COL18A1: variants seen among roughly 807,000 people sequenced by gnomAD.
COL18A1 encodes collagen alpha-1(XVIII) chain.
A neutral mutation model predicts 168.0 loss-of-function variants in COL18A1; 133 were observed. That is an observed-to-expected ratio of 0.79 (90% CI 0.69 to 0.91). COL18A1 has a LOEUF of 0.91. Ranked by LOEUF, COL18A1 falls within the 40% of genes least tolerant of loss-of-function variation. The pLI, the probability that COL18A1 is intolerant of heterozygous loss-of-function variation, is 0.00. For synonymous variants in COL18A1, 949 were observed against 809.0 expected, an observed-to-expected ratio of 1.17 and a Z score of -2.94; for missense variants, 2,126 against 1,925.4, an observed-to-expected ratio of 1.10 and a Z score of -1.95.
chr21:45,512,520 T>C lies in COL18A1; in HGVS notation c.*122T>C, dbSNP rs1289681799. Reference sequence around the variant, plus strand: ...CTGGCTGCCATACTTTCCTGTATAGTTCACGTTTCATGTAATCCTCAAGAA... The same window carrying C: ...CTGGCTGCCATACTTTCCTGTATAGCTCACGTTTCATGTAATCCTCAAGAA... On this transcript the variant is annotated 3_prime_UTR_variant, in exon 42 of 42. Coordinates refer to ENST00000651438, the MANE Select transcript of COL18A1 (RefSeq NM_001379500.1). The C allele has an allele frequency of 5.9e-6, 5 of 853,688 alleles. No individual in the cohort carries two copies. The East Asian group carries it at 1.1e-4, about 18-fold the overall frequency. The allele number at this position is 853,688 out of a possible 1,614,324, so 52.9% of individuals were successfully genotyped here.
rs1158994869 is a variant in COL18A1, at chr21:45,480,714, C to T, written c.1467C>T (p.Phe489=). The part of the protein sequence containing the change: ...DLEALRGPRG[F]PGPPGPPGVP... ...CCCACGTCCAGGGTCCTCGAGGCTT[C>T]CCTGGACCTCCCGGACCCCCCGGTG... The change falls in exon 13 of 42, where the codon TTC becomes TTT. Residue 489 remains phenylalanine, a synonymous_variant. Transcript: ENST00000651438. The T allele has an allele frequency of 2.5e-6, 4 of 1,610,732 alleles. No homozygotes were observed. The African/African-American group carries it at 4.0e-5, about 16-fold the overall frequency.
intron 2 of COL18A1, among the ~76,000 whole-genome samples, chr21:45,430,253 G>A (rs2033920479): frequency 1.3e-5 from 2 of 152,060 alleles, no homozygotes; most frequent in Non-Finnish European, 1.5e-5. Context: ...CATGGTTTGG[G>A]GGCCGCCATC....
intron 2 of COL18A1, among the ~76,000 whole-genome samples, chr21:45,451,482 G>A (rs1025004404): frequency 1.4e-4 from 22 of 152,162 alleles, no homozygotes; most frequent in African/African-American, 4.3e-4. Flanking sequence ...GTGGGGTGCC[G>A]CCTTTCCGGG....
rs1478359381 is a variant in COL18A1, at chr21:45,423,023, A to T, written c.106+17550A>T. Among the ~76,000 whole-genome samples the T allele has an allele frequency of 6.6e-6, 1 of 152,146 alleles. No homozygotes were observed. The highest frequency in any genetic ancestry group is 1.5e-5 in the Non-Finnish European group (1 of 68,020). ...GAGACAAGGTTTCTCCATGTTGGTCAGGCTGGTCTCTAACTCCCGACCTCA... is the reference window on the plus strand; with the variant it reads ...GAGACAAGGTTTCTCCATGTTGGTCTGGCTGGTCTCTAACTCCCGACCTCA... On this transcript the variant is annotated intron_variant, in intron 2 of 41. Transcript: ENST00000651438. The surrounding 1 kb of genome is among the most constrained non-coding windows in gnomAD (Gnocchi z 4.0).
rs190485685 is a variant in COL18A1 at position 45,475,359 on chromosome 21, G to A, written c.739-117G>A. 4,643 of 927,492 alleles carry A rather than the reference G, an allele frequency of 5.0e-3. 21 individuals are homozygous for A. The highest frequency in any genetic ancestry group is 6.5e-3 in the Non-Finnish European group (3,804 of 581,166). The allele number at this position is 927,492 out of a possible 1,614,324, so 57.5% of individuals were successfully genotyped here. Reference sequence around the variant, plus strand: ...CGGAGAGCACCAGAGAGGGCTGGACGAGGCGAGAGGGGGCCTGGAGGAGGC... The same window carrying A: ...CGGAGAGCACCAGAGAGGGCTGGACAAGGCGAGAGGGGGCCTGGAGGAGGC... On this transcript the variant is annotated intron_variant, in intron 4 of 41. Coordinates refer to ENST00000651438, the MANE Select transcript of COL18A1 (RefSeq NM_001379500.1).
chr21:45,437,442 A>ACACACACAGACACACAGG (rs2034169939), intron 2 of COL18A1, among the ~76,000 whole-genome samples: 1 of 43,136 alleles, frequency 2.3e-5, no homozygotes, highest in African/African-American at 1.3e-4. Flanking sequence ...CTGCACACAC[A>ACACACACAGACACACAGG]CACTCACTCA....
At chr21:45,411,209 G>A (rs534976523) in intron 2 of COL18A1, among the ~76,000 whole-genome samples, 47 of 152,250 alleles carry the variant, frequency 3.1e-4, no homozygotes, top group Middle Eastern at 3.4e-3. Flanking sequence ...GCAGGACATC[G>A]TCTGCAGTGG....
intron 2 of COL18A1, among the ~76,000 whole-genome samples, chr21:45,433,949 A>G (rs1482761025): frequency 6.6e-6 from 1 of 152,104 alleles, no homozygotes; most frequent in Non-Finnish European, 1.5e-5. Context: ...ACGGTGGGAA[A>G]GAGACCATCA....
chr21:45,420,405 G>A (rs184747272), intron 2 of COL18A1: 8 of 152,334 alleles, frequency 5.3e-5, no homozygotes, highest in Admixed American at 2.6e-4. Flanking sequence ...TGGAAGAGGT[G>A]ACGTCCCCTC....
chr21:45,436,874 T>TG (rs2034117274), intron 2 of COL18A1, among the ~76,000 whole-genome samples: 1 of 19,850 alleles, frequency 5.0e-5, no homozygotes, highest in African/African-American at 2.4e-4. Flanking sequence ...AGTTGCTGGC[T>TG]GGGGGGCAGC....
rs117415647 is a variant in COL18A1 at position 45,504,315 on chromosome 21, C to T, written c.2728-101C>T. ...GCCAGCAGCTCCCAGGCCTGGGCTC[C>T]GGAAGCTTCTGACTGCCCAGCCCTG... On this transcript the variant is annotated intron_variant, in intron 33 of 41. Transcript: ENST00000651438. 687 of 1,243,376 alleles carry T rather than the reference C, an allele frequency of 5.5e-4. 5 individuals are homozygous for T. The East Asian group carries it at 9.4e-3, about 17-fold the overall frequency. 77.0% of individuals were successfully genotyped at this position (1,243,376 alleles called of 1,614,324 possible). A position where few individuals can be genotyped will look rare whatever the true frequency, so the allele number is the denominator to read the frequency against.
At chr21:45,476,296 C>T in intron 5 of COL18A1, 55 bp from the exon 6 acceptor site, 1 of 1,611,858 alleles carries the variant, frequency 6.2e-7, no homozygotes, top group Admixed American at 1.7e-5. Flanking sequence ...CCAAGCAAGT[C>T]TCCACCGGGC....
In COL18A1 at chr21:45,423,829, C is replaced by T. The variant is rs116944662; in HGVS notation, c.106+18356C>T. 1 of 152,260 alleles carries T rather than the reference C, an allele frequency of 6.6e-6. No individual in the cohort carries two copies. The highest frequency in any genetic ancestry group is 1.5e-5 in the Non-Finnish European group (1 of 68,088). The allele number at this position is 152,260 out of a possible 1,614,324, so 9.4% of individuals were successfully genotyped here. A position where few individuals can be genotyped will look rare whatever the true frequency, so the allele number is the denominator to read the frequency against. On this transcript the variant is annotated intron_variant, in intron 2 of 41. Transcript: ENST00000651438. This position sits in a 1 kb window ranked among gnomAD's most constrained non-coding sequence, Gnocchi z 4.0. ...GTTCTGAGTTGGAGCCCTTACTGGC[C>T]AGTTTAAGACCCTCTTGGAGCAGGG...
chr21:45,492,749 G>GCCCTCCCGA, intron 24 of COL18A1, 36 bp downstream of exon 24: 1 of 720,112 alleles, frequency 1.4e-6, no homozygotes. Flanking sequence ...ATGCTGCCCG[G>GCCCTCCCGA]CTGGGGAGGG....
chr21:45,459,585 G>A (rs2034973006), intron 2 of COL18A1, among the ~76,000 whole-genome samples: 1 of 152,248 alleles, frequency 6.6e-6, no homozygotes, highest in African/African-American at 2.4e-5. Flanking sequence ...GTGCAGCCGT[G>A]CTGGGGCGTG....
At chr21:45,422,465 A>G (rs1428452830) in intron 2 of COL18A1, 1 of 531,488 alleles carries the variant, frequency 1.9e-6, no homozygotes, top group Admixed American at 2.0e-5. Context: ...GTTGCAGGAC[A>G]GAATAGATGG....
At chr21:45,483,127 T>C (rs2035957577) in intron 15 of COL18A1, among the ~76,000 whole-genome samples, 1 of 152,244 alleles carries the variant, frequency 6.6e-6, no homozygotes, top group Admixed American at 6.5e-5. Flanking sequence ...AAGCTCCGTG[T>C]GGCAAGCGCG....
At chr21:45,411,764 G>GC in intron 2 of COL18A1, among the ~76,000 whole-genome samples, 3 of 135,996 alleles carry the variant, frequency 2.2e-5, no homozygotes, top group Non-Finnish European at 4.7e-5. Context: ...GATGGCGGGG[G>GC]GTGGGGGGGG....
rs374927127 is a variant in COL18A1 at position 45,480,867 on chromosome 21, T to A, written c.1611+9T>A. 2 of 1,609,078 alleles carry A rather than the reference T, an allele frequency of 1.2e-6. No individual in the cohort carries two copies. Among genetic ancestry groups the A allele is most frequent in the African/African-American group, 2.7e-5 (2 of 74,964 alleles). On this transcript the variant is annotated intron_variant, in intron 13 of 41. Coordinates refer to ENST00000651438, the MANE Select transcript of COL18A1 (RefSeq NM_001379500.1). ...GGTTTCCTGGCCTCCCGGTAAGTCCTGCCTCCACCGTCAGTGTCGGGAGCC... is the reference window on the plus strand; with the variant it reads ...GGTTTCCTGGCCTCCCGGTAAGTCCAGCCTCCACCGTCAGTGTCGGGAGCC...
Sources: gnomAD v4.1 joint callset for allele counts (sites outside exome capture counted in the v4.1 genomes callset) on GRCh38, gnomAD v4.1.1 for gene constraint, Gnocchi (gnomAD v3.1) non-coding constraint, MANE v1.5 for transcripts, NCBI Gene and HGNC (gene_info 2026-07-23, HGNC 2026-07-21) for gene names.